SCN8A: variants seen among roughly 807,000 people sequenced by gnomAD.
SCN8A encodes sodium voltage-gated channel alpha subunit 8.
Under a neutral mutation model 184.1 loss-of-function variants are expected in SCN8A, and 30 were observed. The ratio of observed to expected loss-of-function variants is 0.16; its 90% CI spans 0.12 to 0.22. SCN8A has a LOEUF of 0.22. Among genes scored for constraint, SCN8A ranks in the 10% least tolerant of loss-of-function variants. SCN8A has a pLI of 1.00. For synonymous variants in SCN8A, 852 were observed against 907.0 expected (o/e 0.94, Z 1.09); for missense variants, 1,057 against 2,498.9 (o/e 0.42, Z 12.30).
intron 1 of SCN8A, among the ~76,000 whole-genome samples, chr12:51,628,779 C>T (rs937181617): frequency 1.3e-5 from 2 of 152,096 alleles, no homozygotes; most frequent in Non-Finnish European, 2.9e-5. Context: ...CAGATACCCA[C>T]CTGTTTCATG....
intron 11 of SCN8A, among the ~76,000 whole-genome samples, chr12:51,721,080 A>T (rs11169907): frequency 1.9e-3 from 74 of 39,182 alleles, no homozygotes; most frequent in African/African-American, 6.9e-3. Flanking sequence ...AAAAAAAAAA[A>T]TTATATATAT....
At chr12:51,791,252 C>T (rs963254087) in intron 25 of SCN8A, among the ~76,000 whole-genome samples, 1 of 152,164 alleles carries the variant, frequency 6.6e-6, no homozygotes, top group Non-Finnish European at 1.5e-5. Flanking sequence ...ACAAAAGCTT[C>T]CCTGATAATC....
intron 19 of SCN8A, among the ~76,000 whole-genome samples, chr12:51,773,136 A>G (rs1490748160): frequency 2.0e-5 from 3 of 151,566 alleles, no homozygotes; most frequent in Non-Finnish European, 4.4e-5. Flanking sequence ...AAAAAGAGAG[A>G]AAGTGGAGCA....
chr12:51,646,232 A>G (rs1940587137), intron 1 of SCN8A, among the ~76,000 whole-genome samples: 1 of 152,200 alleles, frequency 6.6e-6, no homozygotes, highest in East Asian at 1.9e-4. Flanking sequence ...GACCAGTTAG[A>G]CGGTTGCTAT....
At chr12:51,609,951 A>G (rs1939681981) in intron 1 of SCN8A, among the ~76,000 whole-genome samples, 1 of 152,004 alleles carries the variant, frequency 6.6e-6, no homozygotes, top group Non-Finnish European at 1.5e-5. Flanking sequence ...GTGCACATGT[A>G]CCCTAAAACT....
chr12:51,731,756 A>G (rs1942246705), intron 12 of SCN8A, among the ~76,000 whole-genome samples: 1 of 152,026 alleles, frequency 6.6e-6, no homozygotes, highest in African/African-American at 2.4e-5. Context: ...TTTGGTTAAA[A>G]GCCATTTTAA....
At chr12:51,757,249 C>A (rs1942690252) in intron 14 of SCN8A, among the ~76,000 whole-genome samples, 1 of 152,120 alleles carries the variant, frequency 6.6e-6, no homozygotes, top group Admixed American at 6.5e-5. Context: ...AGTGGCAAAC[C>A]AGGATGAGTT....
chr12:51,623,446 C>T (rs934473502), intron 1 of SCN8A, among the ~76,000 whole-genome samples: 3 of 152,132 alleles, frequency 2.0e-5, no homozygotes, highest in East Asian at 1.9e-4. Flanking sequence ...CATCATCCAC[C>T]GTGGTAGATG....
intron 1 of SCN8A, among the ~76,000 whole-genome samples, chr12:51,605,979 G>A (rs1276880514): frequency 6.6e-6 from 1 of 152,030 alleles, no homozygotes; most frequent in African/African-American, 2.4e-5. Context: ...TGAGTTCATT[G>A]TAGATTCTGG....
intron 20 of SCN8A, 44 bp from the exon 21 acceptor site, chr12:51,780,582 TTTTTTTTTTTTTTTTTTTTTTTG>T: frequency 3.5e-6 from 1 of 284,296 alleles, no homozygotes; most frequent in Non-Finnish European, 6.0e-6. Context: ...TTTTTTTTTT[TTTTTTTTTTTTTTTTTTTTTTTG>T]GTTACCTTTT....
chr12:51,637,104 A>G (rs1238660491), intron 1 of SCN8A, among the ~76,000 whole-genome samples: 4 of 152,028 alleles, frequency 2.6e-5, no homozygotes, highest in African/African-American at 9.7e-5. Flanking sequence ...CTTTGTTGTT[A>G]CTATTGTAAT....
At chr12:51,660,811 T>C (rs1036015109) in intron 1 of SCN8A, among the ~76,000 whole-genome samples, 3 of 152,148 alleles carry the variant, frequency 2.0e-5, no homozygotes, top group African/African-American at 7.2e-5. Flanking sequence ...GCTAAGGTCA[T>C]GGTGGAGTGC....
chr12:51,691,786 CTA>C (rs1468734030), intron 6 of SCN8A, among the ~76,000 whole-genome samples: 2 of 152,162 alleles, frequency 1.3e-5, no homozygotes, highest in African/African-American at 4.8e-5. Context: ...GCTCCCGATT[CTA>C]TGTTTTAGAG....
chr12:51,688,920 T>C, intron 5 of SCN8A, 85 bp from the exon 6 acceptor site: 1 of 1,576,064 alleles, frequency 6.3e-7, no homozygotes, highest in Non-Finnish European at 8.7e-7. Flanking sequence ...CTTTTTGTTT[T>C]GTTGTGGTTT....
chr12:51,766,980 T>G (rs1187127189), intron 16 of SCN8A, among the ~76,000 whole-genome samples: 1 of 152,122 alleles, frequency 6.6e-6, no homozygotes, highest in Non-Finnish European at 1.5e-5. Flanking sequence ...TCCACATTAG[T>G]TCTCTTCCTT....
chr12:51,708,710 G>A (rs1396666249), intron 11 of SCN8A, among the ~76,000 whole-genome samples: 1 of 151,980 alleles, frequency 6.6e-6, no homozygotes, highest in Non-Finnish European at 1.5e-5. Context: ...CTTTACAATT[G>A]TATTATTTTG....
intron 24 of SCN8A, among the ~76,000 whole-genome samples, chr12:51,789,822 C>T (rs1054851245): frequency 6.6e-6 from 1 of 152,192 alleles, no homozygotes; most frequent in Admixed American, 6.5e-5. Context: ...TTGAGAGACC[C>T]ACCTTTGGAA....
intron 1 of SCN8A, among the ~76,000 whole-genome samples, chr12:51,648,809 C>T (rs1252224180): frequency 6.6e-6 from 1 of 152,124 alleles, no homozygotes; most frequent in Non-Finnish European, 1.5e-5. Context: ...TCATTCCACC[C>T]CTGGCCCCTC....
chr12:51,780,747 C>T lies in SCN8A; in HGVS notation c.3918C>T (p.Ala1306=). The change falls in exon 21 of 27, where the codon GCC becomes GCT. Residue 1306 remains alanine (A), a synonymous_variant. Transcript: ENST00000627620. The part of the protein sequence containing the change: ...RTLRALRPLR[A]LSRFEGMRVV... ...TAAGAGCTTTGAGACCCTTAAGAGC[C>T]TTATCACGATTTGAAGGGATGAGGG... 1.9e-6 allele frequency: 3 copies of T among 1,592,106 alleles called. No homozygotes were observed. The highest frequency in any genetic ancestry group is 1.2e-5 in the South Asian group (1 of 86,874).
Sources: gnomAD v4.1 joint callset for allele counts (sites outside exome capture counted in the v4.1 genomes callset) on GRCh38, gnomAD v4.1.1 for gene constraint, MANE v1.5 for transcripts, NCBI Gene and HGNC (gene_info 2026-07-23, HGNC 2026-07-21) for gene names.